ATP2B2: variants seen among roughly 807,000 people sequenced by gnomAD.
The protein encoded by ATP2B2 is plasma membrane calcium-transporting ATPase 2.
ATP2B2 carries 15 observed loss-of-function variants against 120.0 expected under a neutral mutation model. The observed-to-expected ratio is 0.12, with a 90% confidence interval of 0.08 to 0.19. The LOEUF is 0.19. Ranked by LOEUF, ATP2B2 falls within the 10% of genes least tolerant of loss-of-function variation. ATP2B2 has a pLI of 1.00. For synonymous variants in ATP2B2, 694 were observed against 700.3 expected, an observed-to-expected ratio of 0.99 and a Z score of 0.14; for missense variants, 1,045 against 1,719.8, an observed-to-expected ratio of 0.61 and a Z score of 6.94.
intron 1 of ATP2B2, among the ~76,000 whole-genome samples, chr3:10,491,069 C>T (rs1460858510): frequency 6.6e-6 from 1 of 151,998 alleles, no homozygotes; most frequent in Non-Finnish European, 1.5e-5. Context: ...GCTCAGAGTC[C>T]CTGCCCTTGC....
intron 1 of ATP2B2, among the ~76,000 whole-genome samples, chr3:10,486,862 GGT>G (rs2065697527): frequency 6.6e-6 from 1 of 152,046 alleles, no homozygotes; most frequent in Non-Finnish European, 1.5e-5. Flanking sequence ...TGGGACTACA[GGT>G]GCGAGCCACC....
chr3:10,389,153 C>A (rs6442168), intron 5 of ATP2B2, among the ~76,000 whole-genome samples: 77,125 of 152,150 alleles, frequency 0.51, 22,063 homozygotes, highest in East Asian at 0.97. Flanking sequence ...AGGACCCTGA[C>A]ATTCTTTCCA....
intron 22 of ATP2B2, chr3:10,336,441 A>C: frequency 1.1e-6 from 1 of 886,420 alleles, no homozygotes; most frequent in Non-Finnish European, 1.7e-6. Context: ...AATACCAGAC[A>C]CACTCCAAGG....
chr3:10,503,575 C>A (rs182937431), intron 1 of ATP2B2, among the ~76,000 whole-genome samples: 8 of 152,268 alleles, frequency 5.3e-5, no homozygotes, highest in Non-Finnish European at 1.0e-4. Flanking sequence ...GCCACCTTGC[C>A]TCCTGGAAGC....
chr3:10,486,955 T>C (rs2065703135), intron 1 of ATP2B2, among the ~76,000 whole-genome samples: 1 of 152,178 alleles, frequency 6.6e-6, no homozygotes, highest in South Asian at 2.1e-4. Context: ...CTCGAACTCC[T>C]GACCTCAAGT....
intron 1 of ATP2B2, among the ~76,000 whole-genome samples, chr3:10,661,036 A>G (rs1169028594): frequency 6.6e-6 from 1 of 152,246 alleles, no homozygotes; most frequent in Admixed American, 6.5e-5. Flanking sequence ...GGCCTTTGAC[A>G]CAATTCAACA....
At chr3:10,331,837 G>T in intron 22 of ATP2B2, 1 of 697,232 alleles carries the variant, frequency 1.4e-6, no homozygotes, top group Non-Finnish European at 2.3e-6. Context: ...GGAGACCCAT[G>T]CCCGTTGTCA....
chr3:10,446,053 G>A (rs2063826467), intron 2 of ATP2B2, among the ~76,000 whole-genome samples: 1 of 152,176 alleles, frequency 6.6e-6, no homozygotes, highest in African/African-American at 2.4e-5. Context: ...CTGAGCATGG[G>A]GCTGAGTTCA....
chr3:10,352,077 G>T (rs1040495542), intron 14 of ATP2B2, among the ~76,000 whole-genome samples: 1 of 152,220 alleles, frequency 6.6e-6, no homozygotes, highest in Non-Finnish European at 1.5e-5. Context: ...CCTGCCTGGG[G>T]TCTCCTTTCT....
At chr3:10,506,956 C>T (rs947617765), upstream of ATP2B2, among the ~76,000 whole-genome samples, 9 of 152,218 alleles carry the variant, frequency 5.9e-5, no homozygotes, top group South Asian at 4.1e-4. Context: ...AGAGGGGCCA[C>T]GGGAGGGAGA....
chr3:10,634,993 A>G (rs76274317), intron 1 of ATP2B2, among the ~76,000 whole-genome samples: 3,512 of 152,250 alleles, frequency 0.023, 63 homozygotes, highest in South Asian at 0.075. Context: ...GGGAGACACA[A>G]CAGCGTATGG....
chr3:10,641,834 C>T (rs2070179743), intron 1 of ATP2B2, among the ~76,000 whole-genome samples: 1 of 152,028 alleles, frequency 6.6e-6, no homozygotes, highest in Non-Finnish European at 1.5e-5. Context: ...ACTCATCTAC[C>T]CATCTATTCA....
Position 10,639,315 on chromosome 3 carries a change from A to G in ATP2B2, c.-459-19354T>C, listed in dbSNP as rs538857209. Among the ~76,000 whole-genome samples the G allele has an allele frequency of 9.2e-5, 14 of 152,324 alleles. 1 individual carries two copies. The highest frequency in any genetic ancestry group is 3.4e-4 in the African/African-American group (14 of 41,584). The stretch of plus-strand genomic sequence containing the variant: ...AATATTGTTCATTCTGGCTACTATA[A>G]CAAAATACAATTAAGTGGGTAGCTT... On this transcript the variant is annotated intron_variant, in intron 1 of 21. Coordinates refer to the ATP2B2 transcript ENST00000646379.
At chr3:10,653,254 C>G (rs1377921739) in intron 1 of ATP2B2, among the ~76,000 whole-genome samples, 1 of 152,220 alleles carries the variant, frequency 6.6e-6, no homozygotes, top group Non-Finnish European at 1.5e-5. Flanking sequence ...CCAATGACCC[C>G]CCTTTGCTTA....
Position 10,346,083 on chromosome 3 carries a change from TC to T in ATP2B2, c.2458del (p.Asp820ThrfsTer34). ...GAGTGCAGGCCCGTCGTTGGTCCCGTCCCCCGTCACGGCCACCACCTGCCGC... is the reference window on the plus strand; with the variant it reads ...GAGTGCAGGCCCGTCGTTGGTCCCGTCCCCGTCACGGCCACCACCTGCCGC... ...EQRQVVAVTG[D>X]GTNDGPALKK... On this transcript the variant is annotated frameshift_variant, in exon 17 of 23. Transcript: ENST00000360273. LOFTEE classifies it high-confidence loss of function. This position sits in a 1 kb window ranked among gnomAD's most constrained non-coding sequence, Gnocchi z 4.1. The T allele has an allele frequency of 6.2e-7, 1 of 1,611,752 alleles. No homozygotes were observed. Among genetic ancestry groups the T allele is most frequent in the Non-Finnish European group, 8.5e-7 (1 of 1,179,854 alleles).
At chr3:10,707,158 T>C (rs2071908131) in intron 1 of ATP2B2, among the ~76,000 whole-genome samples, 1 of 152,224 alleles carries the variant, frequency 6.6e-6, no homozygotes, top group African/African-American at 2.4e-5. Flanking sequence ...CAAGTCCACC[T>C]TCCGAAGGAG....
chr3:10,459,025 C>G (rs2064377212), intron 1 of ATP2B2, among the ~76,000 whole-genome samples: 2 of 152,204 alleles, frequency 1.3e-5, no homozygotes, highest in Non-Finnish European at 2.9e-5. Context: ...ATGCACAGTT[C>G]CCAGGGCTTC....
chr3:10,484,251 GGA>G (rs2065536278), intron 1 of ATP2B2, among the ~76,000 whole-genome samples: 1 of 152,156 alleles, frequency 6.6e-6, no homozygotes, highest in African/African-American at 2.4e-5. Context: ...TTCCAGGGCA[GGA>G]GAGAGTGACC....
Position 10,365,589 on chromosome 3 carries a change from A to AGTGT in ATP2B2, c.1660-5470_1660-5467dup, listed in dbSNP as rs149337630. 5.5e-3 allele frequency among the ~76,000 whole-genome samples: 817 copies of AGTGT among 148,790 alleles called. 16 individuals are homozygous for AGTGT. The highest frequency in any genetic ancestry group is 5.3e-3 in the South Asian group (25 of 4,688). On this transcript the variant is annotated intron_variant, in intron 12 of 22. Transcript: ENST00000360273. Reference sequence around the variant, plus strand: ...AGCCTTCCCCAGCTCACCAGTGCAGAGTGTGTGTGTGTGTGTGTGATGCAT... The same window carrying AGTGT: ...AGCCTTCCCCAGCTCACCAGTGCAGAGTGTGTGTGTGTGTGTGTGTGTGATGCAT...
Sources: gnomAD v4.1 joint callset for allele counts (sites outside exome capture counted in the v4.1 genomes callset) on GRCh38, gnomAD v4.1.1 for gene constraint, Gnocchi (gnomAD v3.1) non-coding constraint, MANE v1.5 for transcripts, NCBI Gene and HGNC (gene_info 2026-07-23, HGNC 2026-07-21) for gene names.